Variants in NBEA observed in about 807,000 individuals in gnomAD.
NBEA encodes the protein neurobeachin.
In NBEA, 44 loss-of-function variants were observed where a neutral mutation model predicts 343.4. The observed-to-expected ratio is 0.13, with a 90% CI of 0.10 to 0.16. NBEA has a LOEUF of 0.16. Among genes scored for constraint, NBEA ranks in the 10% least tolerant of loss-of-function variants. The probability of loss-of-function intolerance (pLI) is 1.00; values close to 1 mark genes in which losing one functional copy is unlikely to be tolerated. For missense variants in NBEA, 2,555 were observed against 3,631.3 expected, an observed-to-expected ratio of 0.70 and a Z score of 7.62; for synonymous variants, 1,175 against 1,238.7, an observed-to-expected ratio of 0.95 and a Z score of 1.08.
intron 12 of NBEA, 82 bp from the exon 13 acceptor site, chr13:35,110,728 T>C: frequency 8.7e-7 from 1 of 1,151,686 alleles, no homozygotes; most frequent in Non-Finnish European, 1.2e-6. Context: ...AATTCACATT[T>C]AAATTAAAAC....
intron 39 of NBEA, among the ~76,000 whole-genome samples, chr13:35,436,044 T>G (rs1162796661): frequency 6.6e-6 from 1 of 151,726 alleles, no homozygotes; most frequent in African/African-American, 2.4e-5. Flanking sequence ...AATATAATAT[T>G]GTGGGAAGAC....
chr13:34,980,076 G>T (rs1245076056), intron 1 of NBEA, among the ~76,000 whole-genome samples: 1 of 152,116 alleles, frequency 6.6e-6, no homozygotes, highest in South Asian at 2.1e-4. Context: ...CAGTACTGTG[G>T]TGTACTGTGG....
At chr13:35,026,285 A>G (rs541458384) in intron 1 of NBEA, among the ~76,000 whole-genome samples, 70 of 152,202 alleles carry the variant, frequency 4.6e-4, no homozygotes, top group African/African-American at 1.3e-3. Flanking sequence ...TCTTTTCTTT[A>G]TAAATTGCCC....
intron 34 of NBEA, among the ~76,000 whole-genome samples, chr13:35,289,738 G>A (rs1422802900): frequency 6.6e-6 from 1 of 151,866 alleles, no homozygotes; most frequent in African/African-American, 2.4e-5. Flanking sequence ...CACATGCTAA[G>A]TGATCAATGA....
At chr13:35,033,069 A>G (rs187489612) in intron 1 of NBEA, among the ~76,000 whole-genome samples, 62 of 151,738 alleles carry the variant, frequency 4.1e-4, no homozygotes, top group Non-Finnish European at 4.0e-4. Flanking sequence ...TTGCTGGTGA[A>G]ATTTTTGCTC....
At chr13:35,045,225 C>T (rs946492386) in intron 3 of NBEA, 81 bp from the exon 4 acceptor site, 3 of 1,253,066 alleles carry the variant, frequency 2.4e-6, no homozygotes, top group African/African-American at 1.5e-5. Context: ...AGTTAGAAAA[C>T]AGTCCAATGG....
chr13:35,614,324 T>A (rs187239410), intron 48 of NBEA, among the ~76,000 whole-genome samples: 3 of 152,322 alleles, frequency 2.0e-5, no homozygotes, highest in Non-Finnish European at 2.9e-5. Context: ...AAAGTCAAGT[T>A]TATCATCCTG....
chr13:35,568,422 G>A (rs529715307), intron 45 of NBEA, among the ~76,000 whole-genome samples: 2 of 152,216 alleles, frequency 1.3e-5, no homozygotes, highest in African/African-American at 4.8e-5. Context: ...TCCAAGGTGA[G>A]TCAACCAAAA....
chr13:35,238,364 T>G (rs1282998739), intron 34 of NBEA, among the ~76,000 whole-genome samples: 1 of 152,192 alleles, frequency 6.6e-6, no homozygotes, highest in Non-Finnish European at 1.5e-5. Flanking sequence ...GACTACTCCC[T>G]TTGATTCGCA....
intron 40 of NBEA, among the ~76,000 whole-genome samples, chr13:35,470,509 A>G (rs1433607945): frequency 6.6e-6 from 1 of 152,208 alleles, no homozygotes; most frequent in Non-Finnish European, 1.5e-5. Flanking sequence ...ATAAATCTTG[A>G]TAGTCCTCTG....
At chr13:35,010,726 CAAA>C (rs769896169) in intron 1 of NBEA, among the ~76,000 whole-genome samples, 68 of 9,672 alleles carry the variant, frequency 7.0e-3, no homozygotes, top group Admixed American at 0.035. Context: ...TGGGTCTCTA[CAAA>C]AAAAAAAAAA....
chr13:35,625,765 T>C (rs1187330336), intron 48 of NBEA, among the ~76,000 whole-genome samples: 8 of 152,144 alleles, frequency 5.3e-5, no homozygotes, highest in African/African-American at 1.9e-4. Flanking sequence ...TAAAAAGATG[T>C]CAAATCTGTT....
At chr13:35,187,430 A>G (rs987117891) in intron 30 of NBEA, among the ~76,000 whole-genome samples, 8 of 151,038 alleles carry the variant, frequency 5.3e-5, no homozygotes, top group Non-Finnish European at 1.0e-4. Context: ...AATATATAAT[A>G]CAACATAGTA....
At chr13:35,435,089 C>T (rs1455108299) in intron 39 of NBEA, among the ~76,000 whole-genome samples, 2 of 152,058 alleles carry the variant, frequency 1.3e-5, no homozygotes, top group South Asian at 2.1e-4. Flanking sequence ...AGTGCAATGG[C>T]GCGATCTCAG....
intron 58 of NBEA, among the ~76,000 whole-genome samples, chr13:35,668,889 C>T (rs1180900883): frequency 6.6e-6 from 1 of 152,180 alleles, no homozygotes; most frequent in Non-Finnish European, 1.5e-5. Flanking sequence ...AGGTGGGATT[C>T]AGTGTGAGAC....
At chr13:35,472,673 T>C (rs1461862883) in intron 41 of NBEA, 137 bp downstream of exon 41, 7 of 817,626 alleles carry the variant, frequency 8.6e-6, no homozygotes. Flanking sequence ...ATGAATGAAA[T>C]AGCATGTTCT....
intron 16 of NBEA, 37 bp from the exon 17 acceptor site, chr13:35,123,445 T>G: frequency 2.5e-6 from 3 of 1,217,196 alleles, no homozygotes; most frequent in Non-Finnish European, 3.3e-6. Flanking sequence ...TTTTTAATAT[T>G]AGTAAGTTTT....
At chr13:34,971,535 C>G (rs1214329230) in intron 1 of NBEA, among the ~76,000 whole-genome samples, 1 of 152,158 alleles carries the variant, frequency 6.6e-6, no homozygotes, top group African/African-American at 2.4e-5. Flanking sequence ...TCTTCAATAC[C>G]TAGGTTATTG....
chr13:35,241,217 A>G (rs1272338387), intron 34 of NBEA, among the ~76,000 whole-genome samples: 2 of 151,962 alleles, frequency 1.3e-5, no homozygotes, highest in East Asian at 3.8e-4. Flanking sequence ...TTAAAACAGC[A>G]TAGCAGTAGC....
Sources: gnomAD v4.1 joint callset for allele counts (sites outside exome capture counted in the v4.1 genomes callset) on GRCh38, gnomAD v4.1.1 for gene constraint, MANE v1.5 for transcripts, NCBI Gene and HGNC (gene_info 2026-07-23, HGNC 2026-07-21) for gene names.